NELL1: variants seen among roughly 807,000 people sequenced by gnomAD.
NELL1 encodes protein kinase C-binding protein NELL1.
In NELL1, 76 loss-of-function variants were observed where a neutral mutation model predicts 107.4. That is an observed-to-expected ratio of 0.71 (90% CI 0.59 to 0.86). The LOEUF (loss-of-function observed/expected upper bound fraction) is 0.86. Among genes scored for constraint, NELL1 ranks in the 40% least tolerant of loss-of-function variants. The probability of loss-of-function intolerance (pLI) is 0.00; values close to 1 mark genes in which losing one functional copy is unlikely to be tolerated. For missense variants in NELL1, 1,024 were observed against 1,005.5 expected (o/e 1.02, Z -0.25); for synonymous variants, 353 against 341.2 (o/e 1.03, Z -0.38).
intron 13 of NELL1, among the ~76,000 whole-genome samples, chr11:21,228,360 A>G (rs1857946971): frequency 6.6e-6 from 1 of 152,130 alleles, no homozygotes; most frequent in African/African-American, 2.4e-5. Context: ...TGCCACAGCT[A>G]TCTGAATATA....
At chr11:21,209,629 C>G (rs1310992110) in intron 13 of NELL1, among the ~76,000 whole-genome samples, 1 of 151,852 alleles carries the variant, frequency 6.6e-6, no homozygotes, top group Non-Finnish European at 1.5e-5. Context: ...AAGTTTTACC[C>G]CATTAAAGTA....
intron 13 of NELL1, among the ~76,000 whole-genome samples, chr11:21,223,190 TTC>T (rs763792263): frequency 6.6e-6 from 1 of 151,672 alleles, no homozygotes; most frequent in Non-Finnish European, 1.5e-5. Flanking sequence ...CTCTCTCTCT[TTC>T]TCTTTCTCTC....
intron 15 of NELL1, among the ~76,000 whole-genome samples, chr11:21,424,929 T>A (rs1255341404): frequency 6.6e-6 from 1 of 152,200 alleles, no homozygotes; most frequent in South Asian, 2.1e-4. Flanking sequence ...ACTTCTTAAC[T>A]TGTTCTATGA....
intron 15 of NELL1, among the ~76,000 whole-genome samples, chr11:21,500,184 C>T (rs1855098840): frequency 6.6e-6 from 1 of 151,984 alleles, no homozygotes; most frequent in South Asian, 2.1e-4. Flanking sequence ...CTTTTGTAGC[C>T]TCTAGTTCAC....
chr11:21,040,492 C>T (rs1853203905), intron 12 of NELL1, among the ~76,000 whole-genome samples: 1 of 152,166 alleles, frequency 6.6e-6, no homozygotes. Context: ...ATTCCTGCCT[C>T]TATCATCTTG....
chr11:21,149,943 G>A (rs1402692855), intron 13 of NELL1, among the ~76,000 whole-genome samples: 2 of 152,130 alleles, frequency 1.3e-5, no homozygotes, highest in Non-Finnish European at 2.9e-5. Context: ...CTAGGGTTAG[G>A]GAGGGACCAT....
intron 14 of NELL1, among the ~76,000 whole-genome samples, chr11:21,330,141 G>T (rs1850238605): frequency 6.6e-6 from 1 of 151,612 alleles, no homozygotes; most frequent in Non-Finnish European, 1.5e-5. Flanking sequence ...TCTTTGTGTG[G>T]CAAGTATAAA....
intron 12 of NELL1, among the ~76,000 whole-genome samples, chr11:20,966,339 C>T (rs1266270954): frequency 2.0e-5 from 3 of 152,080 alleles, no homozygotes; most frequent in African/African-American, 7.2e-5. Flanking sequence ...TCCTAATCAC[C>T]TCTTAAAAGT....
intron 13 of NELL1, among the ~76,000 whole-genome samples, chr11:21,189,254 T>G (rs1565102402): frequency 6.6e-6 from 1 of 151,944 alleles, no homozygotes; most frequent in Admixed American, 6.5e-5. Flanking sequence ...TTGGAATTAA[T>G]GTACTGGCAT....
intron 2 of NELL1, among the ~76,000 whole-genome samples, chr11:20,706,158 A>T (rs899068997): frequency 1.3e-5 from 2 of 152,314 alleles, no homozygotes; most frequent in Non-Finnish European, 2.9e-5. Flanking sequence ...CAGCCATCCC[A>T]TTACTGGGTT....
chr11:21,312,092 C>T (rs1253680883), intron 14 of NELL1, among the ~76,000 whole-genome samples: 2 of 152,090 alleles, frequency 1.3e-5, no homozygotes, highest in African/African-American at 4.8e-5. Context: ...TTTGGATTTC[C>T]CAGCCTCCAG....
At chr11:21,524,538 C>T (rs1182038087) in intron 15 of NELL1, among the ~76,000 whole-genome samples, 1 of 151,954 alleles carries the variant, frequency 6.6e-6, no homozygotes, top group Non-Finnish European at 1.5e-5. Context: ...TAAAAACAAT[C>T]ACTTGCAGGG....
At chr11:21,426,842 G>T (rs1279022523) in intron 15 of NELL1, among the ~76,000 whole-genome samples, 1 of 152,162 alleles carries the variant, frequency 6.6e-6, no homozygotes, top group Non-Finnish European at 1.5e-5. Flanking sequence ...TGGAAGAGGG[G>T]TGTCAGAAGA....
chr11:21,214,659 C>G (rs1249701039), intron 13 of NELL1, among the ~76,000 whole-genome samples: 2 of 152,010 alleles, frequency 1.3e-5, no homozygotes, highest in Admixed American at 6.6e-5. Context: ...CATGTTCTTA[C>G]CAGATGACCC....
intron 2 of NELL1, among the ~76,000 whole-genome samples, chr11:20,774,819 A>T (rs907095988): frequency 6.6e-6 from 1 of 152,150 alleles, no homozygotes; most frequent in African/African-American, 2.4e-5. Context: ...TCTTGCTTGC[A>T]CCCAGCAACC....
intron 12 of NELL1, among the ~76,000 whole-genome samples, chr11:20,963,941 G>A (rs1180471443): frequency 2.0e-5 from 3 of 152,126 alleles, no homozygotes; most frequent in African/African-American, 4.8e-5. Context: ...GAAGCAGAGA[G>A]GTGGCATATT....
chr11:21,182,509 A>C (rs1856849905), intron 13 of NELL1, among the ~76,000 whole-genome samples: 1 of 151,782 alleles, frequency 6.6e-6, no homozygotes, highest in Admixed American at 6.5e-5. Context: ...CAGTCAGGAG[A>C]CAGTAACCAC....
chr11:21,497,491 A>T (rs961489486), intron 15 of NELL1, among the ~76,000 whole-genome samples: 1 of 152,128 alleles, frequency 6.6e-6, no homozygotes, highest in Admixed American at 6.6e-5. Context: ...TCTTAATTTC[A>T]GGTGAATAAT....
intron 5 of NELL1, among the ~76,000 whole-genome samples, chr11:20,906,547 G>T (rs1850001859): frequency 6.6e-6 from 1 of 151,990 alleles, no homozygotes; most frequent in Non-Finnish European, 1.5e-5. Flanking sequence ...CATAAGCAAA[G>T]AAAATTACAG....
Sources: allele counts gnomAD v4.1 joint callset (sites outside exome capture counted in the v4.1 genomes callset), GRCh38; gene constraint gnomAD v4.1.1; transcripts MANE v1.5; gene names NCBI Gene and HGNC (gene_info 2026-07-23, HGNC 2026-07-21).